Variants in SYNRG observed in about 807,000 individuals in gnomAD.
SYNRG encodes AP1 gamma subunit binding protein 1.
In SYNRG, 37 loss-of-function variants were observed where a neutral mutation model predicts 130.9. That is an observed-to-expected ratio of 0.28 (90% CI 0.22 to 0.37). SYNRG has a LOEUF of 0.37. Among genes scored for constraint, SYNRG ranks in the 10% least tolerant of loss-of-function variants. The probability of loss-of-function intolerance (pLI) is 1.00; values close to 1 mark genes in which losing one functional copy is unlikely to be tolerated. For missense variants in SYNRG, 1,338 were observed against 1,588.9 expected, an observed-to-expected ratio of 0.84 and a Z score of 2.68; for synonymous variants, 539 against 568.1, an observed-to-expected ratio of 0.95 and a Z score of 0.73.
intron 2 of SYNRG, 52 bp from the exon 3 acceptor site, chr17:37,596,396 T>C (rs1280546926): frequency 1.2e-6 from 2 of 1,600,684 alleles, no homozygotes; most frequent in African/African-American, 2.7e-5. Context: ...GTTTATTTTC[T>C]TAAAACCATA....
At chr17:37,534,468 G>A (rs1284775242) in intron 19 of SYNRG, among the ~76,000 whole-genome samples, 3 of 151,910 alleles carry the variant, frequency 2.0e-5, no homozygotes, top group African/African-American at 7.2e-5. Flanking sequence ...CAGGTGATCC[G>A]CCCACCTCAG....
chr17:37,551,415 C>A (rs888612448), intron 14 of SYNRG, among the ~76,000 whole-genome samples: 4 of 152,130 alleles, frequency 2.6e-5, no homozygotes, highest in Non-Finnish European at 4.4e-5. Flanking sequence ...TTAAGAATAT[C>A]CTCCAACTGA....
intron 17 of SYNRG, among the ~76,000 whole-genome samples, chr17:37,538,883 C>T (rs113805786): frequency 4.6e-5 from 7 of 152,178 alleles, no homozygotes; most frequent in African/African-American, 1.7e-4. Flanking sequence ...GTTGAGCCAC[C>T]GCACCCAGCC....
intron 19 of SYNRG, among the ~76,000 whole-genome samples, chr17:37,532,845 G>A (rs141787620): frequency 6.6e-6 from 1 of 152,220 alleles, no homozygotes; most frequent in African/African-American, 2.4e-5. Context: ...TTCCTTTACA[G>A]AGCAAAGACA....
At chr17:37,548,899 C>A (rs565278389) in intron 14 of SYNRG, among the ~76,000 whole-genome samples, 2 of 150,842 alleles carry the variant, frequency 1.3e-5, no homozygotes, top group South Asian at 4.2e-4. Context: ...CTTTGGGAGG[C>A]CAAGGCGGGC....
intron 14 of SYNRG, among the ~76,000 whole-genome samples, chr17:37,543,225 T>A (rs1405891169): frequency 6.6e-6 from 1 of 152,162 alleles, no homozygotes; most frequent in Non-Finnish European, 1.5e-5. Flanking sequence ...AGAAAATCAA[T>A]CTGATCTACT....
chr17:37,608,955 A>AGGAGCGGAGTCGC lies in SYNRG; in HGVS notation c.77+311_77+323dup, dbSNP rs1303290330. On this transcript the variant is annotated intron_variant, in intron 1 of 21. Coordinates refer to ENST00000612223, the MANE Select transcript of SYNRG (RefSeq NM_007247.6). Reference sequence around the variant, plus strand: ...GGTCGCTTCAGAGGCAGCTAGGACTAGGAGCGGAGTCGCGGTTCCTGATTT... The same window carrying AGGAGCGGAGTCGC: ...GGTCGCTTCAGAGGCAGCTAGGACTAGGAGCGGAGTCGCGGAGCGGAGTCGCGGTTCCTGATTT... 5.9e-5 allele frequency among the ~76,000 whole-genome samples: 9 copies of AGGAGCGGAGTCGC among 152,168 alleles called. No homozygotes were observed. In the East Asian group the frequency reaches 1.7e-3, roughly 29 times the overall value.
chr17:37,530,459 G>A (rs1012333690), intron 19 of SYNRG, among the ~76,000 whole-genome samples: 4 of 152,138 alleles, frequency 2.6e-5, no homozygotes, highest in Non-Finnish European at 5.9e-5. Context: ...GGCACCCTCG[G>A]CACATATCAC....
At chr17:37,550,442 A>T (rs1233102918) in intron 14 of SYNRG, among the ~76,000 whole-genome samples, 1 of 152,212 alleles carries the variant, frequency 6.6e-6, no homozygotes, top group African/African-American at 2.4e-5. Context: ...ACTTGGTATC[A>T]GCCAGGTATT....
intron 17 of SYNRG, among the ~76,000 whole-genome samples, chr17:37,538,704 C>T (rs993675718): frequency 3.9e-5 from 6 of 152,222 alleles, no homozygotes; most frequent in Admixed American, 2.0e-4. Flanking sequence ...AAGTGATTCT[C>T]CTGCCTCAGT....
chr17:37,555,455 A>G (rs1465193574), intron 13 of SYNRG, among the ~76,000 whole-genome samples: 1 of 152,180 alleles, frequency 6.6e-6, no homozygotes, highest in Non-Finnish European at 1.5e-5. Flanking sequence ...AAAGGTTTCT[A>G]TATTCTTTAT....
intron 13 of SYNRG, 115 bp downstream of exon 13, chr17:37,561,080 A>AAC: frequency 1.2e-6 from 1 of 864,132 alleles, no homozygotes; most frequent in Admixed American, 2.6e-5. Flanking sequence ...TTTTCTCCTA[A>AAC]ACACACAGAC....
chr17:37,587,472 C>T (rs746108462), intron 3 of SYNRG, among the ~76,000 whole-genome samples: 1 of 151,804 alleles, frequency 6.6e-6, no homozygotes. Flanking sequence ...GAGACTGCTA[C>T]TTCTCTTCTA....
At chr17:37,537,890 G>GTGGA (rs761320475) in intron 18 of SYNRG, among the ~76,000 whole-genome samples, 1 of 152,198 alleles carries the variant, frequency 6.6e-6, no homozygotes, top group Non-Finnish European at 1.5e-5. Flanking sequence ...GAACACCGAA[G>GTGGA]TGGACAGAGA....
At chr17:37,534,305 G>T (rs761281165) in intron 19 of SYNRG, among the ~76,000 whole-genome samples, 2 of 151,898 alleles carry the variant, frequency 1.3e-5, no homozygotes, top group African/African-American at 2.4e-5. Context: ...TTTGCCAAAT[G>T]CAATACATTT....
At chr17:37,549,588 G>A (rs979572440) in intron 14 of SYNRG, among the ~76,000 whole-genome samples, 3 of 151,966 alleles carry the variant, frequency 2.0e-5, no homozygotes, top group Non-Finnish European at 2.9e-5. Flanking sequence ...AGAGGATGGA[G>A]TACCCAATTT....
In SYNRG at chr17:37,566,236, G is replaced by GT. The variant is rs530030060; in HGVS notation, c.1481+2554dup. 4.0e-5 allele frequency among the ~76,000 whole-genome samples: 6 copies of GT among 151,770 alleles called. No homozygotes were observed. In the East Asian group the frequency reaches 1.2e-3, roughly 29 times the overall value. ...AAGATTGAGAAATCGGATGGTTGCC[G>GT]TGTCTGTGTAGAAAGAAGTAGACAT... On this transcript the variant is annotated intron_variant, in intron 11 of 21. Coordinates refer to ENST00000612223, the MANE Select transcript of SYNRG (RefSeq NM_007247.6).
At chr17:37,556,149 T>A (rs2059105305) in intron 13 of SYNRG, among the ~76,000 whole-genome samples, 1 of 152,116 alleles carries the variant, frequency 6.6e-6, no homozygotes. Flanking sequence ...TAATGCAGGC[T>A]TAAAATATAC....
chr17:37,541,248 AC>A (rs1354680667), intron 15 of SYNRG: 2 of 985,362 alleles, frequency 2.0e-6, no homozygotes, highest in Non-Finnish European at 2.4e-6. Flanking sequence ...GTTGAAATCA[AC>A]GACCCCTCCT....
Sources: gnomAD v4.1 joint callset for allele counts (sites outside exome capture counted in the v4.1 genomes callset) on GRCh38, gnomAD v4.1.1 for gene constraint, MANE v1.5 for transcripts, NCBI Gene and HGNC (gene_info 2026-07-23, HGNC 2026-07-21) for gene names.